Variants in BMAL2 observed in about 807,000 individuals in gnomAD.
BMAL2 encodes the protein basic helix-loop-helix ARNT like 2, also known as basic helix-loop-helix ARNT-like protein 2.
the BMAL2 span, among the ~76,000 whole-genome samples, chr12:27,384,422 T>C: frequency 6.6e-6 from 1 of 152,248 alleles, no homozygotes; most frequent in African/African-American, 2.4e-5. Flanking sequence ...GAGGTCTCTA[T>C]ATTGCCATTA....
the BMAL2 span, among the ~76,000 whole-genome samples, chr12:27,371,635 A>AG: frequency 6.6e-6 from 1 of 152,202 alleles, no homozygotes; most frequent in African/African-American, 2.4e-5. Flanking sequence ...TCTAAGCATG[A>AG]GAAGAACTTG....
At chr12:27,340,707 C>A in the BMAL2 span, among the ~76,000 whole-genome samples, 3 of 152,022 alleles carry the variant, frequency 2.0e-5, no homozygotes, top group Non-Finnish European at 2.9e-5. Flanking sequence ...AGTAGATAGT[C>A]CATTTTAACA....
chr12:27,404,326 G>A, the BMAL2 span, among the ~76,000 whole-genome samples: 58 of 150,912 alleles, frequency 3.8e-4, no homozygotes, highest in South Asian at 6.3e-4. Context: ...ATTAAAATAC[G>A]TTATAAAGCT....
At chr12:27,367,335 C>T in the BMAL2 span, among the ~76,000 whole-genome samples, 2 of 152,228 alleles carry the variant, frequency 1.3e-5, no homozygotes, top group Admixed American at 6.5e-5. Flanking sequence ...TACTCAGAAC[C>T]GTGTGCAGTT....
At chr12:27,414,833 C>T in the BMAL2 span, among the ~76,000 whole-genome samples, 177 of 152,000 alleles carry the variant, frequency 1.2e-3, no homozygotes, top group African/African-American at 4.1e-3. Context: ...ACTGATGAAA[C>T]TGAGTTGGGT....
At chr12:27,346,975 C>T in the BMAL2 span, among the ~76,000 whole-genome samples, 4 of 152,192 alleles carry the variant, frequency 2.6e-5, no homozygotes, top group African/African-American at 9.7e-5. Flanking sequence ...TGCTTTCACT[C>T]TCCCCATGTG....
At chr12:27,383,564 G>A in the BMAL2 span, among the ~76,000 whole-genome samples, 14 of 152,084 alleles carry the variant, frequency 9.2e-5, no homozygotes, top group African/African-American at 2.4e-4. Flanking sequence ...GTCAGGGCTC[G>A]CCTGTGATGG....
At chr12:27,414,286 A>G in the BMAL2 span, among the ~76,000 whole-genome samples, 1 of 152,228 alleles carries the variant, frequency 6.6e-6, no homozygotes, top group Non-Finnish European at 1.5e-5. Flanking sequence ...TTCAAACAAC[A>G]TCAATATGGA....
chr12:27,422,156 C>T, the BMAL2 span: 1 of 152,126 alleles, frequency 6.6e-6, no homozygotes, highest in South Asian at 2.1e-4. Context: ...TACTTTATAA[C>T]ACTTTCTGCT....
chr12:27,354,530 A>G, the BMAL2 span, among the ~76,000 whole-genome samples: 1 of 152,204 alleles, frequency 6.6e-6, no homozygotes, highest in African/African-American at 2.4e-5. Context: ...CATGCAGTTT[A>G]CACATATAAC....
chr12:27,414,225 A>G, the BMAL2 span, among the ~76,000 whole-genome samples: 1 of 152,240 alleles, frequency 6.6e-6, no homozygotes, highest in African/African-American at 2.4e-5. Flanking sequence ...ATACAGCAAT[A>G]CAATATTAGT....
At chr12:27,333,612 C>A in the BMAL2 span, among the ~76,000 whole-genome samples, 2 of 152,188 alleles carry the variant, frequency 1.3e-5, no homozygotes, top group Non-Finnish European at 2.9e-5. Context: ...CGCGGCTTCC[C>A]GGCTTGAACC....
chr12:27,352,968 A>G, the BMAL2 span, among the ~76,000 whole-genome samples: 1 of 152,214 alleles, frequency 6.6e-6, no homozygotes, highest in Admixed American at 6.5e-5. Context: ...GCTCATGGAT[A>G]GGAAGAATCA....
the BMAL2 span, among the ~76,000 whole-genome samples, chr12:27,360,160 CACAATCTAAATT>C: frequency 6.6e-6 from 1 of 151,484 alleles, no homozygotes; most frequent in African/African-American, 2.4e-5. Flanking sequence ...GACAAATATG[CACAATCTAAATT>C]TAGTCATGAG....
At chr12:27,401,503 T>C in the BMAL2 span, 1 of 1,564,624 alleles carries the variant, frequency 6.4e-7, no homozygotes, top group Non-Finnish European at 8.7e-7. Context: ...ATTATGCTGA[T>C]AATTATCTTT....
the BMAL2 span, among the ~76,000 whole-genome samples, chr12:27,353,385 T>A: frequency 6.6e-6 from 1 of 152,182 alleles, no homozygotes; most frequent in Non-Finnish European, 1.5e-5. Flanking sequence ...AGCAGAAGAT[T>A]GAAAGTGGAC....
the BMAL2 span, among the ~76,000 whole-genome samples, chr12:27,378,401 C>T: frequency 9.9e-5 from 15 of 152,178 alleles, no homozygotes; most frequent in African/African-American, 3.6e-4. Context: ...AGAAGAATAA[C>T]TGAGTTGGAT....
chr12:27,367,780 G>A, the BMAL2 span, among the ~76,000 whole-genome samples: 2 of 149,438 alleles, frequency 1.3e-5, no homozygotes, highest in African/African-American at 4.9e-5. Context: ...TATATATAAT[G>A]TGTGTATATA....
the BMAL2 span, chr12:27,380,364 A>T: frequency 1.2e-6 from 2 of 1,614,204 alleles, no homozygotes; most frequent in South Asian, 2.2e-5. Context: ...ACAAACTTAC[A>T]GTTTTAAGAA....
Sources: allele counts gnomAD v4.1 joint callset (sites outside exome capture counted in the v4.1 genomes callset), GRCh38; gene constraint gnomAD v4.1.1; transcripts MANE v1.5; gene names NCBI Gene and HGNC (gene_info 2026-07-23, HGNC 2026-07-21).